SLC24A3: variants seen among roughly 807,000 people sequenced by gnomAD.
The protein encoded by SLC24A3 is solute carrier family 24 member 3, also known as sodium/potassium/calcium exchanger 3.
A neutral mutation model predicts 75.8 loss-of-function variants in SLC24A3; 28 were observed. That is an observed-to-expected ratio of 0.37 (90% CI 0.27 to 0.51). The LOEUF (loss-of-function observed/expected upper bound fraction) is 0.51. SLC24A3 is among the 20% of genes least tolerant of loss of function. The pLI is 0.94. For missense variants in SLC24A3, 663 were observed against 847.8 expected (o/e 0.78, Z 2.71); for synonymous variants, 372 against 334.1 (o/e 1.11, Z -1.24).
At chr20:19,365,673 G>A (rs746289346) in intron 2 of SLC24A3, among the ~76,000 whole-genome samples, 2 of 152,130 alleles carry the variant, frequency 1.3e-5, no homozygotes, top group Non-Finnish European at 2.9e-5. Context: ...CACACTTTAC[G>A]TAAGAGTGAG....
At chr20:19,651,371 T>TTATATATA (rs201410584) in intron 6 of SLC24A3, among the ~76,000 whole-genome samples, 19 of 105,946 alleles carry the variant, frequency 1.8e-4, no homozygotes, top group Non-Finnish European at 2.4e-4. Context: ...CTGGTTTTTA[T>TTATATATA]TATATATATA....
At chr20:19,547,193 T>C (rs6046172) in intron 3 of SLC24A3, among the ~76,000 whole-genome samples, 134,485 of 152,260 alleles carry the variant, frequency 0.88, 59,535 homozygotes, top group Middle Eastern at 0.95. Context: ...GTCAATTTCA[T>C]TCATCATTCC....
At chr20:19,560,449 A>G (rs989299869) in intron 3 of SLC24A3, among the ~76,000 whole-genome samples, 3 of 152,218 alleles carry the variant, frequency 2.0e-5, no homozygotes, top group Admixed American at 1.3e-4. Context: ...GCAGGCAGAA[A>G]AGTAGAAAGT....
chr20:19,646,515 G>T (rs1052905231), intron 6 of SLC24A3, among the ~76,000 whole-genome samples: 8 of 152,178 alleles, frequency 5.3e-5, no homozygotes, highest in African/African-American at 2.4e-5. Flanking sequence ...AATGTGTAAT[G>T]TTAACAACGA....
chr20:19,449,285 A>C (rs1223185737), intron 2 of SLC24A3, among the ~76,000 whole-genome samples: 2 of 152,136 alleles, frequency 1.3e-5, no homozygotes, highest in Non-Finnish European at 2.9e-5. Context: ...CTTTGGAGAG[A>C]GCTCCGAGGC....
chr20:19,365,294 G>A (rs1262464831), intron 2 of SLC24A3, among the ~76,000 whole-genome samples: 1 of 152,072 alleles, frequency 6.6e-6, no homozygotes, highest in East Asian at 1.9e-4. Context: ...ACATTCTCAG[G>A]CCCCACCCCA....
intron 2 of SLC24A3, among the ~76,000 whole-genome samples, chr20:19,419,773 C>T (rs927795089): frequency 1.3e-5 from 2 of 151,498 alleles, no homozygotes; most frequent in Admixed American, 6.6e-5. Context: ...GGAGGCCACA[C>T]GGGCTCAGGG....
intron 2 of SLC24A3, among the ~76,000 whole-genome samples, chr20:19,333,707 G>C (rs571956909): frequency 4.1e-4 from 62 of 151,788 alleles, no homozygotes; most frequent in African/African-American, 1.4e-3. Flanking sequence ...ACTGCCCTGG[G>C]GATTAGGTGA....
intron 12 of SLC24A3, among the ~76,000 whole-genome samples, chr20:19,692,963 C>T (rs976793677): frequency 2.6e-5 from 4 of 152,094 alleles, no homozygotes; most frequent in Non-Finnish European, 4.4e-5. Context: ...CCCACCTGGC[C>T]ATCTGCCAAA....
intron 2 of SLC24A3, among the ~76,000 whole-genome samples, chr20:19,412,343 A>G (rs1224351023): frequency 5.9e-5 from 9 of 152,206 alleles, no homozygotes; most frequent in Non-Finnish European, 1.3e-4. Context: ...TGGGAAAGTC[A>G]TGAAGAAGAT....
intron 3 of SLC24A3, among the ~76,000 whole-genome samples, chr20:19,556,470 T>C (rs1408777241): frequency 1.3e-5 from 2 of 151,684 alleles, no homozygotes; most frequent in African/African-American, 4.8e-5. Context: ...AGTCATTTAA[T>C]ACGTGTGGGT....
At chr20:19,699,988 C>G (rs1261367297) in intron 15 of SLC24A3, among the ~76,000 whole-genome samples, 1 of 152,138 alleles carries the variant, frequency 6.6e-6, no homozygotes, top group Non-Finnish European at 1.5e-5. Context: ...GGGGTACAAA[C>G]CAATGTCATC....
intron 3 of SLC24A3, among the ~76,000 whole-genome samples, chr20:19,548,674 G>C (rs994566905): frequency 6.6e-6 from 1 of 152,202 alleles, no homozygotes; most frequent in Non-Finnish European, 1.5e-5. Flanking sequence ...AACAGAAAGA[G>C]TCCAGCCTCT....
At chr20:19,566,046 C>T (rs895450464) in intron 3 of SLC24A3, among the ~76,000 whole-genome samples, 5 of 152,170 alleles carry the variant, frequency 3.3e-5, no homozygotes, top group African/African-American at 7.2e-5. Context: ...TTCATTCATT[C>T]GTTTATTCAT....
At chr20:19,482,204 C>G (rs1988066915) in intron 2 of SLC24A3, among the ~76,000 whole-genome samples, 1 of 152,226 alleles carries the variant, frequency 6.6e-6, no homozygotes, top group South Asian at 2.1e-4. Context: ...ACCTGATCCT[C>G]CCAGCCCACC....
intron 6 of SLC24A3, among the ~76,000 whole-genome samples, chr20:19,586,668 T>C (rs1393440028): frequency 2.6e-5 from 4 of 152,202 alleles, no homozygotes; most frequent in Non-Finnish European, 5.9e-5. Context: ...CCATTTTTAC[T>C]TCCGTCATCT....
At chr20:19,371,607 A>G (rs2122357267) in intron 2 of SLC24A3, among the ~76,000 whole-genome samples, 1 of 152,262 alleles carries the variant, frequency 6.6e-6, no homozygotes, top group East Asian at 1.9e-4. Flanking sequence ...CACCCCCTAC[A>G]TACAGGGACA....
At chr20:19,342,752 T>A (rs1985297744) in intron 2 of SLC24A3, among the ~76,000 whole-genome samples, 2 of 152,048 alleles carry the variant, frequency 1.3e-5, no homozygotes, top group South Asian at 4.2e-4. Context: ...CGAAGGTGGG[T>A]CTTTGATAGA....
chr20:19,510,414 TGTA>T (rs1234497187), intron 2 of SLC24A3, among the ~76,000 whole-genome samples: 1 of 152,230 alleles, frequency 6.6e-6, no homozygotes, highest in Non-Finnish European at 1.5e-5. Context: ...TAATTATGTG[TGTA>T]TAAGTTATGG....
Sources: gnomAD v4.1 joint callset for allele counts (sites outside exome capture counted in the v4.1 genomes callset) on GRCh38, gnomAD v4.1.1 for gene constraint, MANE v1.5 for transcripts, NCBI Gene and HGNC (gene_info 2026-07-23, HGNC 2026-07-21) for gene names.